FHOD3: variants seen among roughly 807,000 people sequenced by gnomAD.
FHOD3 encodes FH1/FH2 domain-containing protein 3.
A neutral mutation model predicts 173.0 loss-of-function variants in FHOD3; 90 were observed. The observed-to-expected ratio is 0.52, with a 90% CI of 0.44 to 0.62. The LOEUF is 0.62. FHOD3 is among the 20% of genes least tolerant of loss of function. The probability of loss-of-function intolerance (pLI) is 0.00; values close to 1 mark genes in which losing one functional copy is unlikely to be tolerated. For synonymous variants in FHOD3, 828 were observed against 823.0 expected (o/e 1.01, Z -0.10); for missense variants, 1,945 against 2,034.7 (o/e 0.96, Z 0.85).
At chr18:36,618,255 T>A (rs145977059) in intron 9 of FHOD3, among the ~76,000 whole-genome samples, 1 of 152,032 alleles carries the variant, frequency 6.6e-6, no homozygotes, top group African/African-American at 2.4e-5. Context: ...TTTTCATCTT[T>A]TAACCATCAT....
At chr18:36,553,000 C>A (rs1443977440) in intron 5 of FHOD3, among the ~76,000 whole-genome samples, 1 of 152,064 alleles carries the variant, frequency 6.6e-6, no homozygotes, top group African/African-American at 2.4e-5. Flanking sequence ...CCCATCAATA[C>A]CTAGTTTATT....
At chr18:36,702,380 A>G (rs372434911) in intron 17 of FHOD3, among the ~76,000 whole-genome samples, 4 of 152,376 alleles carry the variant, frequency 2.6e-5, no homozygotes, top group South Asian at 2.1e-4. Context: ...ACAACCTAGG[A>G]AGAACTGGTC....
At chr18:36,718,824 C>T in intron 19 of FHOD3, 109 bp downstream of exon 19, 1 of 1,494,478 alleles carries the variant, frequency 6.7e-7, no homozygotes. Context: ...GGTAAAAAGT[C>T]CATTGGTATG....
At chr18:36,510,868 A>G (rs1204474973) in intron 4 of FHOD3, among the ~76,000 whole-genome samples, 3 of 151,930 alleles carry the variant, frequency 2.0e-5, no homozygotes, top group African/African-American at 7.3e-5. Context: ...CGCAGACATC[A>G]CTCACCCACC....
intron 5 of FHOD3, among the ~76,000 whole-genome samples, chr18:36,556,579 T>A (rs952293454): frequency 2.6e-5 from 4 of 152,214 alleles, no homozygotes; most frequent in African/African-American, 9.6e-5. Context: ...ATAAGAAACT[T>A]ACAATAACAG....
intron 9 of FHOD3, among the ~76,000 whole-genome samples, chr18:36,616,893 T>A (rs973830469): frequency 6.6e-6 from 1 of 152,196 alleles, no homozygotes; most frequent in African/African-American, 2.4e-5. Flanking sequence ...CAGAGAGAGG[T>A]CTGGGACATC....
At chr18:36,448,449 C>T (rs2144160973) in intron 3 of FHOD3, among the ~76,000 whole-genome samples, 1 of 152,280 alleles carries the variant, frequency 6.6e-6, no homozygotes, top group Non-Finnish European at 1.5e-5. Context: ...ACCAGCCCTG[C>T]CCTGCCCTGC....
intron 1 of FHOD3, among the ~76,000 whole-genome samples, chr18:36,312,577 C>T (rs2092285113): frequency 6.6e-6 from 1 of 152,194 alleles, no homozygotes; most frequent in South Asian, 2.1e-4. Flanking sequence ...AACTGAGAAC[C>T]TCTCCCTAGC....
intron 1 of FHOD3, among the ~76,000 whole-genome samples, chr18:36,302,266 T>C (rs2091973654): frequency 6.6e-6 from 1 of 152,204 alleles, no homozygotes; most frequent in Admixed American, 6.5e-5. Context: ...TGTGGTTGCC[T>C]CGCTGCCTCA....
chr18:36,448,935 C>T (rs2051660104), intron 3 of FHOD3, among the ~76,000 whole-genome samples: 1 of 151,626 alleles, frequency 6.6e-6, no homozygotes, highest in East Asian at 1.9e-4. Flanking sequence ...ACCCAGAGCC[C>T]CCCAGTTACC....
chr18:36,644,250 C>T (rs1374861103), intron 10 of FHOD3, among the ~76,000 whole-genome samples: 1 of 152,194 alleles, frequency 6.6e-6, no homozygotes, highest in Non-Finnish European at 1.5e-5. Context: ...ACCCAGAATT[C>T]CTTAGCACAA....
chr18:36,351,074 A>T (rs2046102839), intron 1 of FHOD3, among the ~76,000 whole-genome samples: 1 of 151,930 alleles, frequency 6.6e-6, no homozygotes, highest in Non-Finnish European at 1.5e-5. Context: ...TGTGTGGTGG[A>T]TGGCTCGGGT....
rs530077152 is a variant in FHOD3, at chr18:36,459,689, T to C, written c.338-42243T>C. 5.3e-5 allele frequency among the ~76,000 whole-genome samples: 8 copies of C among 152,302 alleles called. No homozygotes were observed. The South Asian group carries it at 1.7e-3, about 32-fold the overall frequency. ...GATTTTTTTTTCATTTTGAAAAATA[T>C]AGCTTTAAAATAGTTTTAGATTTAC... On this transcript the variant is annotated intron_variant, in intron 3 of 28. Coordinates refer to ENST00000590592, the MANE Select transcript of FHOD3 (RefSeq NM_001281740.3).
At chr18:36,688,500 C>A (rs1418489124) in intron 16 of FHOD3, among the ~76,000 whole-genome samples, 1 of 152,186 alleles carries the variant, frequency 6.6e-6, no homozygotes, top group Admixed American at 6.5e-5. Flanking sequence ...ATCCTAATAA[C>A]CAGTTGTGGC....
intron 1 of FHOD3, among the ~76,000 whole-genome samples, chr18:36,353,585 A>C (rs572790513): frequency 1.2e-4 from 19 of 152,356 alleles, no homozygotes; most frequent in African/African-American, 4.6e-4. Context: ...TTTTGGAATA[A>C]TAGCCTAACT....
chr18:36,691,741 C>T (rs984067585), intron 16 of FHOD3, among the ~76,000 whole-genome samples: 2 of 152,232 alleles, frequency 1.3e-5, no homozygotes, highest in African/African-American at 4.8e-5. Context: ...TTTGCTCCCT[C>T]AGCATCCTGG....
chr18:36,634,252 G>A (rs1187307746), intron 10 of FHOD3, among the ~76,000 whole-genome samples: 2 of 152,312 alleles, frequency 1.3e-5, no homozygotes, highest in South Asian at 2.1e-4. Flanking sequence ...TCCTGCAGGA[G>A]TGAAGAAGAG....
chr18:36,385,067 G>C (rs1373862273), intron 3 of FHOD3, among the ~76,000 whole-genome samples: 7 of 152,176 alleles, frequency 4.6e-5, no homozygotes, highest in Admixed American at 4.6e-4. Context: ...TGTATATCTT[G>C]CCTCCAATTC....
At chr18:36,564,258 T>G (rs1265545873) in intron 5 of FHOD3, among the ~76,000 whole-genome samples, 1 of 152,202 alleles carries the variant, frequency 6.6e-6, no homozygotes, top group African/African-American at 2.4e-5. Flanking sequence ...TAGAAGATCA[T>G]TATAGAATAG....
Sources: allele counts gnomAD v4.1 joint callset (sites outside exome capture counted in the v4.1 genomes callset), GRCh38; gene constraint gnomAD v4.1.1; transcripts MANE v1.5; gene names NCBI Gene and HGNC (gene_info 2026-07-23, HGNC 2026-07-21).